LAMC1: variants seen among roughly 807,000 people sequenced by gnomAD.
LAMC1 encodes the protein laminin subunit gamma-1.
Under a neutral mutation model 173.6 loss-of-function variants are expected in LAMC1, and 38 were observed. The observed-to-expected ratio is 0.22, with a 90% CI of 0.17 to 0.29. LAMC1 has a LOEUF of 0.29. Ranked by LOEUF, LAMC1 falls within the 10% of genes least tolerant of loss-of-function variation. The pLI, the probability that LAMC1 is intolerant of heterozygous loss-of-function variation, is 1.00. For missense variants in LAMC1, 1,824 were observed against 2,051.8 expected, an observed-to-expected ratio of 0.89 and a Z score of 2.14; for synonymous variants, 746 against 749.1, an observed-to-expected ratio of 1.00 and a Z score of 0.07.
At chr1:183,095,834 A>G (rs1655678331) in intron 1 of LAMC1, among the ~76,000 whole-genome samples, 1 of 152,250 alleles carries the variant, frequency 6.6e-6, no homozygotes, top group South Asian at 2.1e-4. Context: ...AGTATATCAA[A>G]TAAAATGGCA....
chr1:183,116,560 C>T lies in LAMC1; in HGVS notation c.1329-17C>T, dbSNP rs150973460. ...TTCTCCCTTCTCTGATTGTTTTATC[C>T]ATTTTTCATTGAATAGGCCATGCTC... On this transcript the variant is annotated splice_polypyrimidine_tract_variant and intron_variant, in intron 6 of 27. Transcript: ENST00000258341. 984 of 1,502,676 alleles carry T rather than the reference C, an allele frequency of 6.5e-4. 8 individuals carry two copies. The African/African-American group carries it at 0.012, about 19-fold the overall frequency. 93.1% of individuals were successfully genotyped at this position (1,502,676 alleles called of 1,614,324 possible).
At chr1:183,035,635 A>G (rs1312952242) in intron 1 of LAMC1, among the ~76,000 whole-genome samples, 1 of 152,186 alleles carries the variant, frequency 6.6e-6, no homozygotes, top group Non-Finnish European at 1.5e-5. Flanking sequence ...TTGATAGAAA[A>G]AATATGCTCT....
intron 1 of LAMC1, among the ~76,000 whole-genome samples, chr1:183,049,101 T>C (rs546915848): frequency 7.9e-5 from 12 of 152,338 alleles, no homozygotes; most frequent in South Asian, 4.1e-4. Flanking sequence ...CCCACTCTTA[T>C]AGAAGAAACT....
Position 183,145,244 on chromosome 1 carries a change from A to T in LAMC1, c.*2454A>T, listed in dbSNP as rs891285152. ...TTTTTTAAGCAGAATTTTATTTTTT[A>T]AAATAAAAGGTTCTTTACAAGATGA... On this transcript the variant is annotated 3_prime_UTR_variant, in exon 28 of 28. Transcript: ENST00000258341. The T allele has an allele frequency of 3.3e-5, 5 of 152,758 alleles. No individual in the cohort carries two copies. Among genetic ancestry groups the T allele is most frequent in the East Asian group, 3.9e-4 (2 of 5,186 alleles). 9.5% of individuals were successfully genotyped at this position (152,758 alleles called of 1,614,324 possible).
intron 1 of LAMC1, among the ~76,000 whole-genome samples, chr1:183,039,430 G>A (rs914806117): frequency 6.6e-6 from 1 of 152,136 alleles, no homozygotes; most frequent in African/African-American, 2.4e-5. Context: ...TGGTATTTTA[G>A]ATAAGTTCAT....
intron 1 of LAMC1, among the ~76,000 whole-genome samples, chr1:183,033,325 A>G (rs1188363012): frequency 1.3e-5 from 2 of 152,216 alleles, no homozygotes; most frequent in Non-Finnish European, 2.9e-5. Context: ...TAGACGCCTC[A>G]GGCAGTGGAG....
chr1:183,108,230 A>C, intron 2 of LAMC1, 46 bp from the exon 3 acceptor site: 1 of 1,560,426 alleles, frequency 6.4e-7, no homozygotes, highest in Non-Finnish European at 8.8e-7. Context: ...TATCATTTTC[A>C]GTCCCTCCAC....
At chr1:183,088,133 A>T (rs1288019191) in intron 1 of LAMC1, among the ~76,000 whole-genome samples, 1 of 152,196 alleles carries the variant, frequency 6.6e-6, no homozygotes, top group Non-Finnish European at 1.5e-5. Flanking sequence ...ATCTTATTAA[A>T]GGCTGCCATA....
intron 1 of LAMC1, among the ~76,000 whole-genome samples, chr1:183,076,242 C>T (rs553167846): frequency 6.6e-6 from 1 of 152,186 alleles, no homozygotes; most frequent in Non-Finnish European, 1.5e-5. Context: ...TGGAAGTTTG[C>T]GTGCTTTCCA....
chr1:183,023,896 C>A lies in LAMC1; in HGVS notation c.180C>A (p.Asn60Lys), dbSNP rs763064922. Residue 60 changes from asparagine to lysine, a missense_variant, in exon 1 of 28, where the codon AAC becomes AAA. Coordinates refer to ENST00000258341, the MANE Select transcript of LAMC1 (RefSeq NM_002293.4). ...CCGAGTTCGTCAACGCCGCCTTCAACGTGACTGTGGTGGCCACCAACACGT... is the reference window on the plus strand; with the variant it reads ...CCGAGTTCGTCAACGCCGCCTTCAAAGTGACTGTGGTGGCCACCAACACGT... Reference protein sequence around the residue: ...CMPEFVNAAFNVTVVATNTCG... With the variant: ...CMPEFVNAAFKVTVVATNTCG... 6.2e-7 allele frequency: 1 copy of A among 1,613,016 alleles called. No individual in the cohort carries two copies. Among genetic ancestry groups the A allele is most frequent in the South Asian group, 1.1e-5 (1 of 91,054 alleles).
chr1:183,130,149 G>C (rs905178206), intron 18 of LAMC1, among the ~76,000 whole-genome samples, 195 bp from the exon 19 acceptor site: 1 of 152,190 alleles, frequency 6.6e-6, no homozygotes, highest in Non-Finnish European at 1.5e-5. Flanking sequence ...CGCACGGTTG[G>C]AGGTGTGATG....
At chr1:183,061,814 C>A (rs1654751912) in intron 1 of LAMC1, among the ~76,000 whole-genome samples, 1 of 152,190 alleles carries the variant, frequency 6.6e-6, no homozygotes, top group South Asian at 2.1e-4. Flanking sequence ...CCTATTCTGT[C>A]CAGTCTTGGG....
chr1:183,140,438 C>A lies in LAMC1; in HGVS notation c.4508C>A (p.Ala1503Asp). ...GCTGCTCAAGAAGCCGAGATCAATG[C>A]CAGAAAAGCCAAAAACTCTGTTACT... ...SQAAQEAEIN[A>D]RKAKNSVTSL... Residue 1503 changes from alanine to aspartate, a missense_variant, in exon 27 of 28, where the codon GCC (alanine) becomes GAC (aspartate). Transcript: ENST00000258341. 1 of 1,613,480 alleles carries A rather than the reference C, an allele frequency of 6.2e-7. No homozygotes were observed. Among genetic ancestry groups the A allele is most frequent in the South Asian group, 1.1e-5 (1 of 91,062 alleles).
At chr1:183,134,876 A>G in intron 23 of LAMC1, 67 bp downstream of exon 23, 2 of 1,506,356 alleles carry the variant, frequency 1.3e-6, no homozygotes, top group Non-Finnish European at 1.8e-6. Flanking sequence ...TGGGTCTGTG[A>G]TGATGCCGTA....
intron 1 of LAMC1, among the ~76,000 whole-genome samples, chr1:183,052,416 C>T (rs1385918614): frequency 1.3e-5 from 2 of 152,090 alleles, no homozygotes; most frequent in African/African-American, 4.8e-5. Flanking sequence ...TCAATGCAAC[C>T]TCTGCCTCCT....
Position 183,125,388 on chromosome 1 carries a change from C to T in LAMC1, c.2648-9C>T, listed in dbSNP as rs1656591594. On this transcript the variant is annotated splice_polypyrimidine_tract_variant and intron_variant, in intron 14 of 27. Coordinates refer to ENST00000258341, the MANE Select transcript of LAMC1 (RefSeq NM_002293.4). ...TGTGTCTTTTGCCATCTCTGTCTTCCTGCCTTAGCCTGCAATTGCAATCTG... is the reference window on the plus strand; with the variant it reads ...TGTGTCTTTTGCCATCTCTGTCTTCTTGCCTTAGCCTGCAATTGCAATCTG... 1 of 1,613,786 alleles carries T rather than the reference C, an allele frequency of 6.2e-7. No individual in the cohort carries two copies. The highest frequency in any genetic ancestry group is 1.3e-5 in the African/African-American group (1 of 75,028).
chr1:183,107,813 G>T (rs769867319), intron 2 of LAMC1, among the ~76,000 whole-genome samples: 1 of 151,940 alleles, frequency 6.6e-6, no homozygotes, highest in Non-Finnish European at 1.5e-5. Context: ...CAGGGCGACA[G>T]AACGAGACTC....
At chr1:183,068,253 T>C (rs1199771159) in intron 1 of LAMC1, among the ~76,000 whole-genome samples, 1 of 152,142 alleles carries the variant, frequency 6.6e-6, no homozygotes, top group Non-Finnish European at 1.5e-5. Context: ...TGTGTGTGTA[T>C]GTGTGTGTGT....
intron 1 of LAMC1, among the ~76,000 whole-genome samples, chr1:183,073,220 G>T (rs886423370): frequency 2.0e-5 from 3 of 152,056 alleles, no homozygotes; most frequent in Non-Finnish European, 4.4e-5. Context: ...TCTGTCTCTG[G>T]TGATATTCAG....
Sources: allele counts gnomAD v4.1 joint callset (sites outside exome capture counted in the v4.1 genomes callset), GRCh38; gene constraint gnomAD v4.1.1; transcripts MANE v1.5; gene names NCBI Gene and HGNC (gene_info 2026-07-23, HGNC 2026-07-21).